GRIA4: variants seen among roughly 807,000 people sequenced by gnomAD.
GRIA4 encodes the protein glutamate receptor 4.
Under a neutral mutation model 104.0 loss-of-function variants are expected in GRIA4, and 34 were observed. That is an observed-to-expected ratio of 0.33 (90% CI 0.25 to 0.44). The LOEUF (loss-of-function observed/expected upper bound fraction) is 0.44. GRIA4 is among the 20% of genes least tolerant of loss of function. GRIA4 has a pLI of 1.00. For missense variants in GRIA4, 750 were observed against 1,096.5 expected, an observed-to-expected ratio of 0.68 and a Z score of 4.46; for synonymous variants, 386 against 381.9, an observed-to-expected ratio of 1.01 and a Z score of -0.13.
intron 5 of GRIA4, among the ~76,000 whole-genome samples, chr11:105,878,332 C>A (rs1393026516): frequency 6.6e-6 from 1 of 152,136 alleles, no homozygotes; most frequent in Non-Finnish European, 1.5e-5. Flanking sequence ...TGGAGCTCTC[C>A]TGTATGAGGT....
In GRIA4 at chr11:105,694,427, G is replaced by A. The variant is rs188854199; in HGVS notation, c.248-58554G>A. Among the ~76,000 whole-genome samples the A allele has an allele frequency of 5.6e-4, 85 of 152,192 alleles. 1 individual carries two copies. Among genetic ancestry groups the A allele is most frequent in the Middle Eastern group, 3.4e-3 (1 of 294 alleles). On this transcript the variant is annotated intron_variant, in intron 3 of 16. Transcript: ENST00000282499. ...CTCCCAAAGTGCTGGGATTATAGGC[G>A]TAAGTCAATGCTCCCGGCCACAAGT...
At chr11:105,778,120 T>C (rs11226845) in intron 4 of GRIA4, among the ~76,000 whole-genome samples, 7,509 of 152,282 alleles carry the variant, frequency 0.049, 269 homozygotes, top group Admixed American at 0.073. Context: ...TTTCCATTTT[T>C]ATTCCAAATT....
At chr11:105,851,787 C>T (rs1288177933) in intron 4 of GRIA4, among the ~76,000 whole-genome samples, 1 of 152,188 alleles carries the variant, frequency 6.6e-6, no homozygotes, top group East Asian at 1.9e-4. Context: ...CCTGTCACCA[C>T]TCCTGGTCAT....
chr11:105,671,677 C>CAAAAGA (rs1952375537), intron 3 of GRIA4, among the ~76,000 whole-genome samples: 1 of 64,584 alleles, frequency 1.5e-5, no homozygotes, highest in African/African-American at 7.0e-5. Flanking sequence ...GACTCTGTCT[C>CAAAAGA]AAAAAAAAAA....
At chr11:105,892,492 C>T (rs939162396) in intron 6 of GRIA4, among the ~76,000 whole-genome samples, 8 of 151,994 alleles carry the variant, frequency 5.3e-5, no homozygotes, top group Non-Finnish European at 4.4e-5. Flanking sequence ...ATACCACTCA[C>T]GCCTCATTCA....
chr11:105,877,011 T>A (rs1945852359), intron 5 of GRIA4, among the ~76,000 whole-genome samples: 1 of 152,228 alleles, frequency 6.6e-6, no homozygotes, highest in African/African-American at 2.4e-5. Context: ...ATAGTGTCAA[T>A]GGTCTTTACA....
At chr11:105,965,980 T>C (rs1181707493) in intron 14 of GRIA4, 2 of 1,612,974 alleles carry the variant, frequency 1.2e-6, no homozygotes, top group Admixed American at 1.7e-5. Context: ...TAAAACTGAA[T>C]GAACAAGGCC....
intron 14 of GRIA4, among the ~76,000 whole-genome samples, chr11:105,961,039 A>G (rs994672818): frequency 1.3e-5 from 2 of 152,126 alleles, no homozygotes; most frequent in Non-Finnish European, 2.9e-5. Flanking sequence ...TCTGAACGCC[A>G]CAGCTTCCAG....
chr11:105,869,418 T>C (rs1308054413), intron 5 of GRIA4, among the ~76,000 whole-genome samples: 1 of 152,086 alleles, frequency 6.6e-6, no homozygotes, highest in Non-Finnish European at 1.5e-5. Context: ...AGGTATAAAA[T>C]GAAGTAGTTT....
At chr11:105,734,762 T>TAC (rs1184238767) in intron 3 of GRIA4, among the ~76,000 whole-genome samples, 3 of 152,212 alleles carry the variant, frequency 2.0e-5, no homozygotes, top group Non-Finnish European at 4.4e-5. Flanking sequence ...GTGACTGGCA[T>TAC]ACTCCTAGTT....
chr11:105,842,703 C>T (rs943617351), intron 4 of GRIA4: 2 of 151,936 alleles, frequency 1.3e-5, no homozygotes, highest in East Asian at 1.9e-4. Context: ...AAGGTGTGGC[C>T]GCCATTGATT....
intron 3 of GRIA4, among the ~76,000 whole-genome samples, chr11:105,631,582 T>A (rs574652677): frequency 5.3e-5 from 8 of 152,330 alleles, no homozygotes; most frequent in African/African-American, 1.9e-4. Context: ...GCTACCAAGT[T>A]ATTTGCCCCT....
Position 105,974,351 on chromosome 11 carries a change from C to A in GRIA4, c.2451C>A (p.Val817=). The change falls in exon 16 of 17, where the codon GTC becomes GTA. Residue 817 remains valine, a synonymous_variant. Coordinates refer to ENST00000282499, the MANE Select transcript of GRIA4 (RefSeq NM_000829.4). ...SALSLSNVAG[V]FYILVGGLGL... ...TGAGCCTGAGCAATGTAGCAGGCGTCTTCTACATTCTGGTTGGCGGCTTGG... is the reference window on the plus strand; with the variant it reads ...TGAGCCTGAGCAATGTAGCAGGCGTATTCTACATTCTGGTTGGCGGCTTGG... 6.2e-7 allele frequency: 1 copy of A among 1,613,940 alleles called. No individual in the cohort carries two copies. Among genetic ancestry groups the A allele is most frequent in the South Asian group, 1.1e-5 (1 of 91,080 alleles).
At chr11:105,731,145 A>G (rs954630617) in intron 3 of GRIA4, among the ~76,000 whole-genome samples, 6 of 152,214 alleles carry the variant, frequency 3.9e-5, no homozygotes, top group African/African-American at 1.4e-4. Context: ...TAGGGCCAGT[A>G]TCCAGAATCT....
rs149278651 is a variant in GRIA4 at position 105,866,443 on chromosome 11, T to TTG, written c.672+4252_672+4253dup. On this transcript the variant is annotated intron_variant, in intron 5 of 16. Coordinates refer to ENST00000282499, the MANE Select transcript of GRIA4 (RefSeq NM_000829.4). Reference sequence around the variant, plus strand: ...TCCCCACTGTGTTGTGTGTGTGTGTTTGTGTGTGTGTGTGTGTGACACTGC... The same window carrying TTG: ...TCCCCACTGTGTTGTGTGTGTGTGTTTGTGTGTGTGTGTGTGTGTGACACTGC... Among the ~76,000 whole-genome samples, 264 of 146,876 alleles carry TTG rather than the reference T, an allele frequency of 1.8e-3. 2 individuals are homozygous for TTG. Among genetic ancestry groups the TTG allele is most frequent in the African/African-American group, 5.5e-3 (220 of 40,240 alleles).
At chr11:105,658,666 T>C (rs1436054256) in intron 3 of GRIA4, among the ~76,000 whole-genome samples, 1 of 151,850 alleles carries the variant, frequency 6.6e-6, no homozygotes, top group Non-Finnish European at 1.5e-5. Context: ...TTGGGAGTGA[T>C]AGTTGACATT....
At chr11:105,635,220 G>A (rs981380204) in intron 3 of GRIA4, among the ~76,000 whole-genome samples, 1 of 151,950 alleles carries the variant, frequency 6.6e-6, no homozygotes, top group Non-Finnish European at 1.5e-5. Context: ...ATACAAAATG[G>A]TACTGGGGAA....
intron 3 of GRIA4, among the ~76,000 whole-genome samples, chr11:105,618,938 A>G (rs1950668255): frequency 6.6e-6 from 1 of 152,002 alleles, no homozygotes; most frequent in Non-Finnish European, 1.5e-5. Flanking sequence ...AAGCCAAAAG[A>G]TAGGGAACCT....
intron 9 of GRIA4, among the ~76,000 whole-genome samples, chr11:105,908,613 CCA>C (rs1565334473): frequency 1.5e-5 from 2 of 130,870 alleles, no homozygotes; most frequent in African/African-American, 2.8e-5. Context: ...AGGTATAAGG[CCA>C]AAAAAAAAAA....
Sources: allele counts gnomAD v4.1 joint callset (sites outside exome capture counted in the v4.1 genomes callset), GRCh38; gene constraint gnomAD v4.1.1; transcripts MANE v1.5; gene names NCBI Gene and HGNC (gene_info 2026-07-23, HGNC 2026-07-21).